The following ARNT2 variants were observed in gnomAD, a reference collection of about 807,000 sequenced individuals.
ARNT2 encodes the protein aryl hydrocarbon receptor nuclear translocator 2.
Under a neutral mutation model 91.7 loss-of-function variants are expected in ARNT2, and 36 were observed. That is an observed-to-expected ratio of 0.39 (90% CI 0.30 to 0.52). ARNT2 has a LOEUF of 0.52. ARNT2 is among the 20% of genes least tolerant of loss of function. The probability of loss-of-function intolerance (pLI) is 0.72; values close to 1 mark genes in which losing one functional copy is unlikely to be tolerated. For synonymous variants in ARNT2, 365 were observed against 347.1 expected, an observed-to-expected ratio of 1.05 and a Z score of -0.57; for missense variants, 775 against 939.3, an observed-to-expected ratio of 0.83 and a Z score of 2.29.
At chr15:80,490,756 A>G (rs1031685759) in intron 5 of ARNT2, among the ~76,000 whole-genome samples, 1 of 152,236 alleles carries the variant, frequency 6.6e-6, no homozygotes, top group African/African-American at 2.4e-5. Context: ...GTTTAAGTCA[A>G]CAGATAGTTA....
At chr15:80,451,497 C>G (rs528429870) in intron 2 of ARNT2, among the ~76,000 whole-genome samples, 1 of 152,236 alleles carries the variant, frequency 6.6e-6, no homozygotes, top group Admixed American at 6.5e-5. Context: ...GGTAATAATA[C>G]TAAGTACTAT....
intron 1 of ARNT2, among the ~76,000 whole-genome samples, chr15:80,432,163 G>T (rs1021866303): frequency 2.6e-5 from 4 of 152,220 alleles, no homozygotes; most frequent in Non-Finnish European, 5.9e-5. Context: ...TCCCTGGAGG[G>T]TGTGGACTTT....
chr15:80,435,775 C>G (rs1332807649), intron 1 of ARNT2, among the ~76,000 whole-genome samples: 3 of 152,258 alleles, frequency 2.0e-5, no homozygotes, highest in African/African-American at 7.2e-5. Flanking sequence ...CTTGTATGTG[C>G]CTCTTAGGGC....
intron 8 of ARNT2, among the ~76,000 whole-genome samples, chr15:80,527,801 A>T (rs1897661080): frequency 6.6e-6 from 1 of 152,158 alleles, no homozygotes; most frequent in Non-Finnish European, 1.5e-5. Flanking sequence ...GCTTTCTCAA[A>T]GTGGGAGAGA....
chr15:80,493,260 C>T (rs898910740), intron 5 of ARNT2, among the ~76,000 whole-genome samples: 3 of 150,532 alleles, frequency 2.0e-5, no homozygotes, highest in South Asian at 2.1e-4. Flanking sequence ...TTGATCACCT[C>T]TTAAAGGTCT....
intron 8 of ARNT2, among the ~76,000 whole-genome samples, chr15:80,539,468 A>G (rs1012266877): frequency 2.6e-5 from 4 of 152,192 alleles, no homozygotes; most frequent in Non-Finnish European, 2.9e-5. Flanking sequence ...TGAAACACAC[A>G]CTTGAAACCA....
chr15:80,527,335 C>T (rs539720845), intron 8 of ARNT2, among the ~76,000 whole-genome samples: 1 of 152,266 alleles, frequency 6.6e-6, no homozygotes, highest in Admixed American at 6.5e-5. Context: ...GTAGGGGAAA[C>T]ATGCATGTAG....
intron 2 of ARNT2, among the ~76,000 whole-genome samples, chr15:80,457,007 G>A (rs1346281245): frequency 1.3e-5 from 2 of 152,326 alleles, no homozygotes. Flanking sequence ...CTCCACTCAC[G>A]TGGATGTCCA....
At position 80,574,174 on chromosome 15, in the gene ARNT2, T is replaced by C. The variant is rs1789930626; in HGVS notation, c.1343T>C (p.Leu448Ser). 2 of 1,614,122 alleles carry C rather than the reference T, an allele frequency of 1.2e-6. 1 individual carries two copies. The highest frequency in any genetic ancestry group is 3.3e-5 in the Admixed American group (2 of 60,012). The change falls in exon 13 of 19, where the codon TTG (leucine) becomes TCG (serine). Residue 448 changes from leucine to serine, a missense_variant. Around this residue, in one of 5 missense-constraint regions of ARNT2, gnomAD observed 325 missense variants for 359.9 expected, o/e 0.90. Transcript: ENST00000303329. Reference protein sequence around the residue: ...VKQLQQQQAELEVHQRDGLSS... With the variant: ...VKQLQQQQAESEVHQRDGLSS... ...CAACTTCAGCAACAGCAGGCAGAAT[T>C]GGAAGTGCACCAGAGAGATGGATTG... is the stretch of plus-strand genomic sequence containing the variant.
At chr15:80,532,578 G>A (rs1408284803) in intron 8 of ARNT2, among the ~76,000 whole-genome samples, 1 of 152,114 alleles carries the variant, frequency 6.6e-6, no homozygotes, top group Non-Finnish European at 1.5e-5. Flanking sequence ...CATGTGCTTG[G>A]GCCACAGGTC....
At chr15:80,520,662 C>A (rs545627094) in intron 8 of ARNT2, among the ~76,000 whole-genome samples, 2 of 152,092 alleles carry the variant, frequency 1.3e-5, no homozygotes, top group African/African-American at 4.8e-5. Context: ...GAGATGATAA[C>A]GTGAGTGTAT....
At chr15:80,452,672 A>G (rs1026253632) in intron 2 of ARNT2, among the ~76,000 whole-genome samples, 48 of 152,168 alleles carry the variant, frequency 3.2e-4, no homozygotes, top group African/African-American at 1.2e-3. Context: ...GTGAGGAGGG[A>G]GGTGGGCTGA....
intron 10 of ARNT2, among the ~76,000 whole-genome samples, chr15:80,553,303 G>A (rs1481455986): frequency 6.6e-6 from 1 of 152,090 alleles, no homozygotes; most frequent in African/African-American, 2.4e-5. Context: ...ATAATAATAT[G>A]CCACATAAGG....
At chr15:80,477,884 G>A (rs908754281) in intron 5 of ARNT2, among the ~76,000 whole-genome samples, 4 of 152,182 alleles carry the variant, frequency 2.6e-5, no homozygotes, top group Non-Finnish European at 5.9e-5. Context: ...AGCTGTTTTG[G>A]AAGGATATTA....
At chr15:80,579,148 C>T (rs770476460) in intron 15 of ARNT2, among the ~76,000 whole-genome samples, 2 of 152,176 alleles carry the variant, frequency 1.3e-5, no homozygotes, top group African/African-American at 2.4e-5. Context: ...TTCCTAGGAC[C>T]GTCTACGCTG....
At chr15:80,526,892 T>G (rs1897648421) in intron 8 of ARNT2, among the ~76,000 whole-genome samples, 1 of 152,194 alleles carries the variant, frequency 6.6e-6, no homozygotes, top group Non-Finnish European at 1.5e-5. Context: ...TTCCCTTCAC[T>G]TGGAAATTTC....
At chr15:80,581,076 C>A in intron 16 of ARNT2, 163 bp from the exon 17 acceptor site, 1 of 806,064 alleles carries the variant, frequency 1.2e-6, no homozygotes, top group Non-Finnish European at 1.9e-6. Context: ...GGCCCTCACA[C>A]ACCGGGCTGA....
chr15:80,548,106 TTC>T (rs1898018954), intron 8 of ARNT2, among the ~76,000 whole-genome samples: 1 of 152,190 alleles, frequency 6.6e-6, no homozygotes, highest in South Asian at 2.1e-4. Flanking sequence ...CTTCCCCTTT[TTC>T]TCTCTTTTCC....
At chr15:80,488,968 A>G (rs1259509048) in intron 5 of ARNT2, among the ~76,000 whole-genome samples, 1 of 152,222 alleles carries the variant, frequency 6.6e-6, no homozygotes, top group Non-Finnish European at 1.5e-5. Flanking sequence ...CTTCTATAAC[A>G]GGAAACTACA....
Sources: allele counts gnomAD v4.1 joint callset (sites outside exome capture counted in the v4.1 genomes callset), GRCh38; gene constraint gnomAD v4.1.1; regional missense constraint gnomAD v4.1.1; transcripts MANE v1.5; gene names NCBI Gene and HGNC (gene_info 2026-07-23, HGNC 2026-07-21).